The following AHNAK variants were observed in gnomAD, a reference collection of about 807,000 sequenced individuals.
AHNAK encodes neuroblast differentiation-associated protein AHNAK.
AHNAK carries 23 observed loss-of-function variants against 37.8 expected under a neutral mutation model. The observed-to-expected ratio is 0.61, with a 90% CI of 0.44 to 0.86. AHNAK has a LOEUF of 0.86. Ranked by LOEUF, AHNAK falls within the 40% of genes least tolerant of loss-of-function variation. AHNAK has a pLI of 0.00. For missense variants in AHNAK, 7,411 were observed against 7,319.4 expected, an observed-to-expected ratio of 1.01 and a Z score of -0.46; for synonymous variants, 2,481 against 2,636.3, an observed-to-expected ratio of 0.94 and a Z score of 1.80.
intron 5 of AHNAK, chr11:62,433,937 A>G: frequency 1.2e-6 from 2 of 1,604,240 alleles, no homozygotes; most frequent in African/African-American, 1.3e-5. Flanking sequence ...CACTATTTGC[A>G]TCTCTCCATA....
rs571219759 is a variant in AHNAK at position 62,493,189 on chromosome 11, T to A, written c.343-1358A>T. ...CACCATGCCCAGCTAATTTTTAGTA[T>A]TTTTAGTAGAGACAGGGTTTCACCA... On this transcript the variant is annotated intron_variant, in intron 4 of 5. Coordinates refer to the AHNAK transcript ENST00000257247. 1.0e-3 allele frequency among the ~76,000 whole-genome samples: 151 copies of A among 149,832 alleles called. 2 individuals carry two copies. The highest frequency in any genetic ancestry group is 8.0e-3 in the South Asian group (38 of 4,742).
intron 1 of AHNAK, among the ~76,000 whole-genome samples, chr11:62,544,169 C>A (rs903617949): frequency 6.6e-6 from 1 of 152,152 alleles, no homozygotes; most frequent in South Asian, 2.1e-4. Context: ...GCACCGCCAC[C>A]TTTCCCCAGG....
At chr11:62,439,793 G>T (rs536561487) in intron 5 of AHNAK, among the ~76,000 whole-genome samples, 7 of 150,040 alleles carry the variant, frequency 4.7e-5, no homozygotes, top group Non-Finnish European at 8.9e-5. Context: ...TCAGCCTCCC[G>T]AGTAGGTGGG....
downstream of AHNAK, among the ~76,000 whole-genome samples, chr11:62,511,507 C>T (rs1939912282): frequency 6.6e-6 from 1 of 152,096 alleles, no homozygotes; most frequent in Admixed American, 6.5e-5. Context: ...CCACCCACCT[C>T]GACCTCCCAA....
chr11:62,446,116 C>A (rs1311111968), intron 5 of AHNAK, among the ~76,000 whole-genome samples: 1 of 152,110 alleles, frequency 6.6e-6, no homozygotes, highest in African/African-American at 2.4e-5. Flanking sequence ...GAAGGCATTT[C>A]ATTAATTTCC....
Position 62,525,323 on chromosome 11 carries a change from T to G in AHNAK, c.9094A>C (p.Met3032Leu), listed in dbSNP as rs1320484186. 1 of 1,613,144 alleles carries G rather than the reference T, an allele frequency of 6.2e-7. No homozygotes were observed. The highest frequency in any genetic ancestry group is 1.1e-5 in the South Asian group (1 of 91,022). The change falls in exon 5 of 5, where the codon ATG becomes CTG. Residue 3032 changes from methionine (M) to leucine (L), a missense_variant. By Grantham distance (15) the Met-to-Leu change is conservative. Transcript: ENST00000378024. Reference sequence around the variant, plus strand: ...GGGCCCTCTCCTTTGAAGCCAGGCATGCTGAATTTGGGCATTTTCACTTTG... The same window carrying G: ...GGGCCCTCTCCTTTGAAGCCAGGCAGGCTGAATTTGGGCATTTTCACTTTG... ...MPKVKMPKFS[M>L]PGFKGEGPDV...
rs1291256088 is a variant in AHNAK at position 62,519,378 on chromosome 11, A to G, written c.15039T>C (p.Ser5013=). The G allele has an allele frequency of 1.2e-6, 2 of 1,613,914 alleles. No homozygotes were observed. The highest frequency in any genetic ancestry group is 1.1e-5 in the South Asian group (1 of 91,018). ...AELNLETPEI[S]VGGKGKKSKF... ...TACTTTTCTTGCCCTTGCCACCAACACTAATTTCAGGAGTCTCAAGGTTCA... is the reference window on the plus strand; with the variant it reads ...TACTTTTCTTGCCCTTGCCACCAACGCTAATTTCAGGAGTCTCAAGGTTCA... The change falls in exon 5 of 5, where the codon AGT becomes AGC. Residue 5013 remains serine, a synonymous_variant. Transcript: ENST00000378024.
rs1450075331 is a variant in AHNAK at position 62,523,244 on chromosome 11, C to G, written c.11173G>C (p.Glu3725Gln). The change falls in exon 5 of 5, where the codon GAG becomes CAG. Residue 3725 changes from glutamate to glutamine, a missense_variant. Glu to Gln is a conservative substitution (Grantham distance 29). Coordinates refer to ENST00000378024, the MANE Select transcript of AHNAK (RefSeq NM_001620.3). ...AATTTGGGTCCCTTGAATTTACCCT[C>G]TGAGCCTTCGATGTTAATGTCAGGA... ...DTPDINIEGS[E>Q]GKFKGPKFKI... 3 of 1,613,784 alleles carry G rather than the reference C, an allele frequency of 1.9e-6. No individual in the cohort carries two copies. The highest frequency in any genetic ancestry group is 1.7e-5 in the Admixed American group (1 of 59,982).
chr11:62,515,559 A>G (rs898815630), downstream of AHNAK, among the ~76,000 whole-genome samples: 3 of 152,254 alleles, frequency 2.0e-5, no homozygotes, highest in East Asian at 1.9e-4. Context: ...GTGATTCACA[A>G]GCAGAGCCCT....
At position 62,517,925 on chromosome 11, in the gene AHNAK, T is replaced by G. The variant is rs373776149; in HGVS notation, c.16492A>C (p.Lys5498Gln). Residue 5498 changes from lysine (K) to glutamine (Q), a missense_variant, in exon 5 of 5, where the codon AAG (lysine) becomes CAG (glutamine). Transcript: ENST00000378024. Reference protein sequence around the residue: ...LEGNLQMPGIKSSGCDVNLPG... With the variant: ...LEGNLQMPGIQSSGCDVNLPG... ...AGGTTCACATCACATCCAGAGGACT[T>G]AATTCCAGGCATCTGGAGGTTTCCT... 1 of 1,614,202 alleles carries G rather than the reference T, an allele frequency of 6.2e-7. No individual in the cohort carries two copies. Among genetic ancestry groups the G allele is most frequent in the Non-Finnish European group, 8.5e-7 (1 of 1,180,036 alleles).
chr11:62,543,437 T>A (rs2509961), intron 1 of AHNAK, among the ~76,000 whole-genome samples: 3 of 151,920 alleles, frequency 2.0e-5, no homozygotes, highest in Non-Finnish European at 4.4e-5. Flanking sequence ...ATGACACACA[T>A]CTCACTCAGA....
Position 62,516,806 on chromosome 11 carries a change from C to A in AHNAK, c.17611G>T (p.Gly5871Trp), listed in dbSNP as rs769056197. 8 of 1,614,068 alleles carry A rather than the reference C, an allele frequency of 5.0e-6. No homozygotes were observed. The highest frequency in any genetic ancestry group is 5.1e-6 in the Non-Finnish European group (6 of 1,179,986). The change falls in exon 5 of 5, where the codon GGG becomes TGG. Residue 5871 changes from glycine (G) to tryptophan (W), a missense_variant. Coordinates refer to ENST00000378024, the MANE Select transcript of AHNAK (RefSeq NM_001620.3). ...GGAAGCTGGATGCCAACCTTATTCC[C>A]ACTGTCATTGCTAGAAGAGGAGGAC... ...RLSSSSSNDS[G>W]NKVGIQLPEV... is the part of the protein sequence containing the mutation.
intron 1 of AHNAK, among the ~76,000 whole-genome samples, chr11:62,544,700 G>A (rs931025372): frequency 2.6e-5 from 4 of 152,158 alleles, no homozygotes; most frequent in African/African-American, 9.7e-5. Context: ...CTGTCCCTAA[G>A]GACTGGAGAA....
chr11:62,511,995 C>T (rs751086802), downstream of AHNAK, among the ~76,000 whole-genome samples: 5 of 152,048 alleles, frequency 3.3e-5, no homozygotes, highest in Admixed American at 6.6e-5. Flanking sequence ...ATTACAGGTG[C>T]GCACCACCAC....
intron 5 of AHNAK, among the ~76,000 whole-genome samples, chr11:62,477,868 G>T (rs1726323361): frequency 6.6e-6 from 1 of 152,110 alleles, no homozygotes; most frequent in Non-Finnish European, 1.5e-5. Context: ...GCTTTCCAGA[G>T]GTGGTGATGG....
chr11:62,479,287 C>T (rs1939216133), intron 5 of AHNAK, among the ~76,000 whole-genome samples: 1 of 150,718 alleles, frequency 6.6e-6, no homozygotes, highest in South Asian at 2.1e-4. Context: ...CCTGCCTCGG[C>T]CTCCCGAGTA....
chr11:62,525,412 G>A lies in AHNAK; in HGVS notation c.9005C>T (p.Pro3002Leu). ...ATCCGGGACATCAATGTCCACTTGG[G>A]GACCCCTGATGTCAACTTCAGGGCC... ...LKGPEVDIRG[P>L]QVDIDVPDVG... is the part of the protein sequence containing the mutation. Residue 3002 changes from proline to leucine, a missense_variant, in exon 5 of 5, where the codon CCC becomes CTC. Pro to Leu is a moderately conservative substitution (Grantham distance 98). Transcript: ENST00000378024. 1 of 1,613,302 alleles carries A rather than the reference G, an allele frequency of 6.2e-7. No individual in the cohort carries two copies. Among genetic ancestry groups the A allele is most frequent in the East Asian group, 2.2e-5 (1 of 44,810 alleles).
In AHNAK at chr11:62,451,254, G is replaced by A. The variant is rs997952912; in HGVS notation, c.443-17363C>T. On this transcript the variant is annotated intron_variant, in intron 5 of 5. Transcript: ENST00000257247. ...ATGTGTTTAGGAACCCAAGACCAGA[G>A]CAAAATGTCGGGTCAGAGAAAGGCC... is the stretch of plus-strand genomic sequence containing the variant. Among the ~76,000 whole-genome samples, 7 of 150,876 alleles carry A rather than the reference G, an allele frequency of 4.6e-5. No homozygotes were observed. The South Asian group carries it at 1.0e-3, about 22-fold the overall frequency.
At chr11:62,480,605 G>A (rs1939248434) in intron 5 of AHNAK, among the ~76,000 whole-genome samples, 1 of 151,728 alleles carries the variant, frequency 6.6e-6, no homozygotes, top group African/African-American at 2.4e-5. Context: ...AGGTTGCAGT[G>A]AGCCGAGATT....
Sources: allele counts gnomAD v4.1 joint callset (sites outside exome capture counted in the v4.1 genomes callset), GRCh38; gene constraint gnomAD v4.1.1; transcripts MANE v1.5; gene names NCBI Gene and HGNC (gene_info 2026-07-23, HGNC 2026-07-21).